Variants in IL1RAPL1 observed in about 807,000 individuals in gnomAD.
IL1RAPL1 encodes interleukin 1 receptor accessory protein like 1, also known as interleukin-1 receptor accessory protein-like 1.
IL1RAPL1 carries 3 observed loss-of-function variants against 48.4 expected under a neutral mutation model. The observed-to-expected ratio is 0.06, with a 90% CI of 0.03 to 0.16. IL1RAPL1 has a LOEUF of 0.16. IL1RAPL1 is among the 10% of genes least tolerant of loss of function. The probability of loss-of-function intolerance (pLI) is 1.00; values close to 1 mark genes in which losing one functional copy is unlikely to be tolerated. For synonymous variants in IL1RAPL1, 185 were observed against 187.7 expected (o/e 0.99, Z 0.12); for missense variants, 349 against 530.6 (o/e 0.66, Z 3.36).
chrX:29,621,174 G>T (rs1412455014), intron 5 of IL1RAPL1, among the ~76,000 whole-genome samples: 4 of 111,372 alleles, frequency 3.6e-5, no homozygotes, highest in African/African-American at 1.3e-4. Flanking sequence ...ATAAAGATTG[G>T]TATATAACAA....
At chrX:29,582,347 ATCT>A (rs1225703772) in intron 5 of IL1RAPL1, among the ~76,000 whole-genome samples, 9 of 85,767 alleles carry the variant, frequency 1.0e-4, no homozygotes, top group African/African-American at 4.2e-4. Flanking sequence ...TAAAGATAGC[ATCT>A]TTTTTTTTTT....
intron 1 of IL1RAPL1, among the ~76,000 whole-genome samples, chrX:28,704,270 T>C (rs1935336671): frequency 9.1e-6 from 1 of 110,314 alleles, no homozygotes; most frequent in African/African-American, 3.3e-5. Context: ...ATAATCTCCC[T>C]TTTTTTTCAT....
At chrX:29,410,258 C>T (rs1485056190) in intron 5 of IL1RAPL1, among the ~76,000 whole-genome samples, 3 of 110,047 alleles carry the variant, frequency 2.7e-5, no homozygotes, top group East Asian at 2.9e-4. Flanking sequence ...ATCAAGAGAT[C>T]GAGACCATCC....
In IL1RAPL1 at chrX:29,955,084, C is replaced by T; in HGVS notation, c.1373-18C>T. The T allele has an allele frequency of 8.5e-7, 1 of 1,182,671 alleles. No homozygotes were observed. The highest frequency in any genetic ancestry group is 1.2e-6 in the Non-Finnish European group (1 of 868,868). ...TTTTCCATTCACTCATTTTGATGCACTCTTTTATCTTTTGTAGCATACATT... is the reference window on the plus strand; with the variant it reads ...TTTTCCATTCACTCATTTTGATGCATTCTTTTATCTTTTGTAGCATACATT... On this transcript the variant is annotated intron_variant, in intron 10 of 10. Transcript: ENST00000378993.
intron 5 of IL1RAPL1, among the ~76,000 whole-genome samples, chrX:29,429,359 C>T: frequency 8.9e-6 from 1 of 112,370 alleles, no homozygotes; most frequent in African/African-American, 3.2e-5. Context: ...AAACAATACA[C>T]AATTGGCAAC....
intron 6 of IL1RAPL1, among the ~76,000 whole-genome samples, chrX:29,762,004 A>G (rs1011881685): frequency 8.9e-5 from 10 of 111,877 alleles, no homozygotes; most frequent in Non-Finnish European, 1.3e-4. Flanking sequence ...CATTGCTTCC[A>G]TGAAGCCTTG....
At chrX:29,190,016 C>T (rs1054977648) in intron 2 of IL1RAPL1, among the ~76,000 whole-genome samples, 18 of 111,464 alleles carry the variant, frequency 1.6e-4, no homozygotes, top group Non-Finnish European at 2.6e-4. Context: ...TCCTGACTAT[C>T]ACTCACTGTT....
chrX:29,287,951 G>A (rs750008474), intron 3 of IL1RAPL1, among the ~76,000 whole-genome samples: 1 of 110,961 alleles, frequency 9.0e-6, no homozygotes, highest in East Asian at 2.8e-4. Flanking sequence ...CCATGCTTTT[G>A]GTGTGAAGTC....
chrX:29,544,370 T>TA (rs773885561), intron 5 of IL1RAPL1, among the ~76,000 whole-genome samples: 2 of 112,151 alleles, frequency 1.8e-5, no homozygotes, highest in African/African-American at 3.2e-5. Flanking sequence ...CTCAGTGCTA[T>TA]AAAAAAAGTA....
chrX:28,722,308 C>A (rs1935595580), intron 1 of IL1RAPL1, among the ~76,000 whole-genome samples: 1 of 111,307 alleles, frequency 9.0e-6, no homozygotes, highest in Non-Finnish European at 1.9e-5. Context: ...AGAGGTCCTT[C>A]ACATCCCTTG....
chrX:28,901,139 G>A (rs1024442607), intron 2 of IL1RAPL1, among the ~76,000 whole-genome samples: 8 of 111,673 alleles, frequency 7.2e-5, no homozygotes, highest in Admixed American at 5.7e-4. Context: ...ATGGTTGCAT[G>A]CAAATGAAAG....
chrX:28,751,826 C>T lies in IL1RAPL1; in HGVS notation c.-24-37494C>T, dbSNP rs113243443. Among the ~76,000 whole-genome samples, 562 of 111,828 alleles carry T rather than the reference C, an allele frequency of 5.0e-3. 4 individuals carry two copies. Among genetic ancestry groups the T allele is most frequent in the African/African-American group, 0.017 (529 of 30,842 alleles). On this transcript the variant is annotated intron_variant, in intron 1 of 10. Coordinates refer to ENST00000378993, the MANE Select transcript of IL1RAPL1 (RefSeq NM_014271.4). Reference sequence around the variant, plus strand: ...GCCTAACCCTGTTTGAGTCCAGCTGCAAATGTACAAGTGGTTTTTTTTTGG... The same window carrying T: ...GCCTAACCCTGTTTGAGTCCAGCTGTAAATGTACAAGTGGTTTTTTTTTGG...
intron 6 of IL1RAPL1, among the ~76,000 whole-genome samples, chrX:29,690,678 T>C (rs1205702265): frequency 1.8e-5 from 2 of 112,438 alleles, no homozygotes; most frequent in Non-Finnish European, 1.9e-5. Context: ...CCTATTATCA[T>C]CTCACTGCTT....
At chrX:29,215,582 C>T (rs928469551) in intron 2 of IL1RAPL1, among the ~76,000 whole-genome samples, 5 of 110,202 alleles carry the variant, frequency 4.5e-5, no homozygotes, top group African/African-American at 1.7e-4. Context: ...ATAAATAGGA[C>T]AGTTAGGTGA....
intron 6 of IL1RAPL1, among the ~76,000 whole-genome samples, chrX:29,870,444 A>G (rs1931777720): frequency 9.0e-6 from 1 of 111,388 alleles, no homozygotes; most frequent in African/African-American, 3.3e-5. Flanking sequence ...TGACAAATCT[A>G]TTCTCTCTCC....
chrX:29,246,127 A>AT (rs1324807977), intron 2 of IL1RAPL1, among the ~76,000 whole-genome samples: 1 of 94,872 alleles, frequency 1.1e-5, no homozygotes, highest in Non-Finnish European at 2.1e-5. Context: ...CAAGAATCAG[A>AT]TTTGTTGTCA....
chrX:28,868,847 A>G (rs1922139730), intron 2 of IL1RAPL1, among the ~76,000 whole-genome samples: 2 of 112,314 alleles, frequency 1.8e-5, no homozygotes, highest in Admixed American at 9.5e-5. Context: ...TTGTATGTGT[A>G]TAATTTATCC....
intron 2 of IL1RAPL1, among the ~76,000 whole-genome samples, chrX:29,161,404 T>C (rs2147506015): frequency 8.9e-6 from 1 of 112,283 alleles, no homozygotes; most frequent in Admixed American, 9.5e-5. Context: ...TGCTTGATGA[T>C]TATTGAAGCT....
At chrX:29,943,013 G>A (rs5973366) in intron 9 of IL1RAPL1, among the ~76,000 whole-genome samples, 3,023 of 110,240 alleles carry the variant, frequency 0.027, 66 homozygotes, top group Middle Eastern at 0.061. Flanking sequence ...ATGTTGCCAC[G>A]TTTCCAGGGT....
Sources: gnomAD v4.1 joint callset for allele counts (sites outside exome capture counted in the v4.1 genomes callset) on GRCh38, gnomAD v4.1.1 for gene constraint, MANE v1.5 for transcripts, NCBI Gene and HGNC (gene_info 2026-07-23, HGNC 2026-07-21) for gene names.